GALNT14: variants seen among roughly 807,000 people sequenced by gnomAD.
The protein encoded by GALNT14 is UDP-GalNAc:polypeptide N-acetylgalactosaminyltransferase 14.
A neutral mutation model predicts 77.5 loss-of-function variants in GALNT14; 60 were observed. That is an observed-to-expected ratio of 0.77 (90% CI 0.63 to 0.96). The LOEUF (loss-of-function observed/expected upper bound fraction) is 0.96. GALNT14 is among the 40% of genes least tolerant of loss of function. The probability of loss-of-function intolerance (pLI) is 0.00; values close to 1 mark genes in which losing one functional copy is unlikely to be tolerated. For synonymous variants in GALNT14, 280 were observed against 281.7 expected, an observed-to-expected ratio of 0.99 and a Z score of 0.06; for missense variants, 710 against 731.0, an observed-to-expected ratio of 0.97 and a Z score of 0.33.
chr2:30,994,326 C>A (rs1335258258), intron 1 of GALNT14, among the ~76,000 whole-genome samples: 1 of 152,152 alleles, frequency 6.6e-6, no homozygotes, highest in Non-Finnish European at 1.5e-5. Flanking sequence ...CTCGGGAAAC[C>A]TGACCAGGGT....
Position 30,924,766 on chromosome 2 carries a change from G to A in GALNT14, c.1209C>T (p.Tyr403=). 2 of 1,614,054 alleles carry A rather than the reference G, an allele frequency of 1.2e-6. No homozygotes were observed. Among genetic ancestry groups the A allele is most frequent in the South Asian group, 2.2e-5 (2 of 91,074 alleles). ...KNLRCQSFKW[Y]LENIYPELSI... ...TGAGTTCAGGGTAGATATTCTCCAG[G>A]TACCACTTGAAGCTCTGGCAGCGCA... The change falls in exon 12 of 15, where the codon TAC becomes TAT. Residue 403 remains tyrosine, a synonymous_variant. Coordinates refer to ENST00000349752, the MANE Select transcript of GALNT14 (RefSeq NM_024572.4).
At position 31,051,198 on chromosome 2, in the gene GALNT14, C is replaced by G. The variant is rs146170862; in HGVS notation, c.130-58191G>C. ...TCAGGGACTAACAGGCCCAGCGGAT[C>G]AAGATGGTGCAGAGGGAAGGCATGA... On this transcript the variant is annotated intron_variant, in intron 1 of 14. Transcript: ENST00000349752. Among the ~76,000 whole-genome samples, 390 of 152,268 alleles carry G rather than the reference C, an allele frequency of 2.6e-3. 2 individuals are homozygous for G. The highest frequency in any genetic ancestry group is 8.4e-3 in the African/African-American group (349 of 41,542).
intron 6 of GALNT14, among the ~76,000 whole-genome samples, chr2:30,952,683 C>T (rs1432864573): frequency 2.7e-5 from 4 of 149,618 alleles, no homozygotes; most frequent in Middle Eastern, 6.9e-3. Context: ...GTGGGTGCAG[C>T]GCACCAGCAT....
intron 1 of GALNT14, among the ~76,000 whole-genome samples, chr2:31,042,680 T>A (rs1478612305): frequency 6.6e-6 from 1 of 152,102 alleles, no homozygotes; most frequent in Admixed American, 6.5e-5. Context: ...ACTCTCCACA[T>A]CCAATCCATC....
chr2:30,956,955 T>C (rs1421486100), intron 4 of GALNT14, among the ~76,000 whole-genome samples: 1 of 152,150 alleles, frequency 6.6e-6, no homozygotes, highest in Non-Finnish European at 1.5e-5. Context: ...TCAGCATGCC[T>C]CCCATTACAC....
chr2:30,905,196 A>G, the GALNT14 span, among the ~76,000 whole-genome samples: 5 of 152,322 alleles, frequency 3.3e-5, no homozygotes, highest in East Asian at 9.6e-4. Context: ...CAGCAACAGA[A>G]CAAAGCTGGA....
At chr2:30,908,898 A>G (rs1394588551), downstream of GALNT14, among the ~76,000 whole-genome samples, 1 of 150,178 alleles carries the variant, frequency 6.7e-6, no homozygotes, top group Non-Finnish European at 1.5e-5. Flanking sequence ...CCTCAGAAAT[A>G]ACGCCGCATA....
At position 30,936,289 on chromosome 2, in the gene GALNT14, T is replaced by C. The variant is rs573957851; in HGVS notation, c.932-4095A>G. 5.3e-5 allele frequency among the ~76,000 whole-genome samples: 8 copies of C among 152,070 alleles called. No individual in the cohort carries two copies. The Middle Eastern group carries it at 0.02, about 388-fold the overall frequency. ...AACTTCTACCTGGCAAGCCCATGGA[T>C]GGTGGGCAGGAATTCAGGGGAGAAG... On this transcript the variant is annotated intron_variant, in intron 9 of 14. Coordinates refer to ENST00000349752, the MANE Select transcript of GALNT14 (RefSeq NM_024572.4).
chr2:31,037,355 TA>T (rs1327082598), intron 1 of GALNT14, among the ~76,000 whole-genome samples: 1 of 152,212 alleles, frequency 6.6e-6, no homozygotes, highest in Admixed American at 6.5e-5. Flanking sequence ...TTTACCTACT[TA>T]CTGGTATTCT....
chr2:31,025,017 G>A (rs946852889), intron 1 of GALNT14, among the ~76,000 whole-genome samples: 1 of 152,110 alleles, frequency 6.6e-6, no homozygotes, highest in African/African-American at 2.4e-5. Context: ...ATCTCTTTGG[G>A]CCAACTTCCT....
chr2:31,111,859 T>G (rs116379068), intron 1 of GALNT14, among the ~76,000 whole-genome samples: 2,077 of 152,304 alleles, frequency 0.014, 39 homozygotes, highest in African/African-American at 0.047. Context: ...TGTTTGCTTC[T>G]TTTTCATATT....
chr2:30,905,445 G>A, the GALNT14 span, among the ~76,000 whole-genome samples: 1 of 152,058 alleles, frequency 6.6e-6, no homozygotes, highest in Non-Finnish European at 1.5e-5. Context: ...GCGATCAACT[G>A]GAAGAAAGGG....
the GALNT14 span, among the ~76,000 whole-genome samples, chr2:30,897,346 C>A: frequency 1.3e-5 from 2 of 152,154 alleles, no homozygotes; most frequent in East Asian, 3.9e-4. Flanking sequence ...AGACCCCACA[C>A]CCCAAACAGA....
At chr2:31,040,381 G>T (rs1394369100) in intron 1 of GALNT14, among the ~76,000 whole-genome samples, 1 of 152,306 alleles carries the variant, frequency 6.6e-6, no homozygotes, top group East Asian at 1.9e-4. Flanking sequence ...CTAAAAGACA[G>T]CCTCATCCAG....
chr2:31,035,636 C>A (rs74175093), intron 1 of GALNT14, among the ~76,000 whole-genome samples: 2 of 138,042 alleles, frequency 1.4e-5, no homozygotes, highest in Admixed American at 7.2e-5. Context: ...CACACACACA[C>A]ACACACACAC....
chr2:30,942,978 G>C (rs1447277652), intron 8 of GALNT14, among the ~76,000 whole-genome samples: 1 of 152,102 alleles, frequency 6.6e-6, no homozygotes, highest in Non-Finnish European at 1.5e-5. Context: ...GGGGAAATTT[G>C]GACTCAGAGA....
intron 1 of GALNT14, among the ~76,000 whole-genome samples, chr2:31,087,807 T>C (rs1395484791): frequency 1.3e-5 from 2 of 152,136 alleles, no homozygotes; most frequent in African/African-American, 2.4e-5. Flanking sequence ...TCCAAATCCG[T>C]ATTTTGAAAC....
At chr2:30,899,707 A>G in the GALNT14 span, among the ~76,000 whole-genome samples, 1 of 152,160 alleles carries the variant, frequency 6.6e-6, no homozygotes, top group Non-Finnish European at 1.5e-5. Flanking sequence ...TCCTTTTCCA[A>G]TAAGCCCTGA....
At chr2:31,053,996 C>T (rs887276151) in intron 1 of GALNT14, among the ~76,000 whole-genome samples, 1 of 152,212 alleles carries the variant, frequency 6.6e-6, no homozygotes, top group African/African-American at 2.4e-5. Flanking sequence ...AAGCAAAAAT[C>T]CACACAGTTC....
Sources: allele counts gnomAD v4.1 joint callset (sites outside exome capture counted in the v4.1 genomes callset), GRCh38; gene constraint gnomAD v4.1.1; transcripts MANE v1.5; gene names NCBI Gene and HGNC (gene_info 2026-07-23, HGNC 2026-07-21).